LUZP2: variants seen among roughly 807,000 people sequenced by gnomAD.
The protein encoded by LUZP2 is leucine zipper protein 2.
In LUZP2, 52 loss-of-function variants were observed where a neutral mutation model predicts 51.6. The ratio of observed to expected loss-of-function variants is 1.01; its 90% CI spans 0.81 to 1.27. The LOEUF (loss-of-function observed/expected upper bound fraction) is 1.27, where lower values mean the gene tolerates loss of function less well. LUZP2 is among the 50% of genes most tolerant of loss of function. The pLI, the probability that LUZP2 is intolerant of heterozygous loss-of-function variation, is 0.00. For missense variants in LUZP2, 436 were observed against 395.4 expected (o/e 1.10, Z -0.87); for synonymous variants, 154 against 137.3 (o/e 1.12, Z -0.85).
At chr11:24,857,871 C>T (rs899268593) in intron 5 of LUZP2, among the ~76,000 whole-genome samples, 2 of 152,078 alleles carry the variant, frequency 1.3e-5, no homozygotes, top group South Asian at 2.1e-4. Context: ...TGCTTAGATG[C>T]AGTAATATTA....
intron 5 of LUZP2, among the ~76,000 whole-genome samples, chr11:24,847,689 A>G (rs1347831522): frequency 6.6e-6 from 1 of 152,156 alleles, no homozygotes; most frequent in African/African-American, 2.4e-5. Flanking sequence ...CAACCTTAGC[A>G]TTCGTTGATG....
intron 4 of LUZP2, chr11:24,763,013 T>TAA (rs11414450): frequency 4.6e-4 from 350 of 753,008 alleles, no homozygotes; most frequent in African/African-American, 1.9e-3. Context: ...TTTCTCAATT[T>TAA]AAAAAAAAAA....
At chr11:24,723,275 C>G (rs1858344996) in intron 1 of LUZP2, among the ~76,000 whole-genome samples, 1 of 152,172 alleles carries the variant, frequency 6.6e-6, no homozygotes, top group African/African-American at 2.4e-5. Context: ...CTCTACCTCT[C>G]CTACCCTGCA....
chr11:25,018,109 A>C (rs1857215716), intron 9 of LUZP2, among the ~76,000 whole-genome samples: 1 of 143,302 alleles, frequency 7.0e-6, no homozygotes, highest in Non-Finnish European at 1.5e-5. Flanking sequence ...TTTGATATTC[A>C]GCTTGGTGGT....
chr11:24,549,150 AT>A (rs890456556), intron 1 of LUZP2, among the ~76,000 whole-genome samples: 7 of 151,980 alleles, frequency 4.6e-5, no homozygotes, highest in Non-Finnish European at 1.0e-4. Flanking sequence ...CTGTACAGAA[AT>A]TTTTTATATC....
intron 7 of LUZP2, among the ~76,000 whole-genome samples, chr11:24,967,789 C>G (rs1384801206): frequency 6.6e-6 from 1 of 151,916 alleles, no homozygotes; most frequent in African/African-American, 2.4e-5. Context: ...GTTCCTAATC[C>G]TATTTTTAAT....
intron 5 of LUZP2, among the ~76,000 whole-genome samples, chr11:24,802,635 A>G (rs1049225671): frequency 4.6e-5 from 7 of 151,910 alleles, no homozygotes; most frequent in Admixed American, 1.3e-4. Context: ...CTCTGTGCCT[A>G]TTGAACAGTT....
At chr11:24,671,481 T>C (rs1376881417) in intron 1 of LUZP2, among the ~76,000 whole-genome samples, 2 of 152,044 alleles carry the variant, frequency 1.3e-5, no homozygotes, top group Non-Finnish European at 2.9e-5. Flanking sequence ...TATAACAAAA[T>C]GCTAGGTGTT....
chr11:24,553,050 C>A (rs1467984308), intron 1 of LUZP2, among the ~76,000 whole-genome samples: 1 of 151,284 alleles, frequency 6.6e-6, no homozygotes, highest in Admixed American at 6.6e-5. Flanking sequence ...ATACTGTAGA[C>A]CTTGAGGTCA....
intron 5 of LUZP2, among the ~76,000 whole-genome samples, chr11:24,765,141 A>T (rs1860133461): frequency 6.6e-6 from 1 of 152,230 alleles, no homozygotes; most frequent in Non-Finnish European, 1.5e-5. Context: ...ACTCCTTTAT[A>T]TCAAATTATT....
At chr11:25,043,230 A>G (rs1858131709) in intron 9 of LUZP2, among the ~76,000 whole-genome samples, 1 of 152,108 alleles carries the variant, frequency 6.6e-6, no homozygotes, top group Non-Finnish European at 1.5e-5. Context: ...AGGGTAATCT[A>G]CTCATCTGAA....
chr11:24,935,524 T>C (rs1854562919), intron 7 of LUZP2, among the ~76,000 whole-genome samples: 1 of 152,200 alleles, frequency 6.6e-6, no homozygotes, highest in Non-Finnish European at 1.5e-5. Context: ...GGATTAAAAA[T>C]TATGGATTTT....
chr11:24,729,361 TTTTA>T, intron 2 of LUZP2, 75 bp downstream of exon 2: 5 of 709,188 alleles, frequency 7.1e-6, no homozygotes, highest in Non-Finnish European at 1.1e-5. Context: ...TGACATGCAT[TTTTA>T]AATAGTTTTT....
chr11:24,965,673 T>G (rs987523602), intron 7 of LUZP2, among the ~76,000 whole-genome samples: 2 of 151,852 alleles, frequency 1.3e-5, no homozygotes, highest in African/African-American at 4.8e-5. Context: ...ATTTTTTAAT[T>G]AATACCTACT....
chr11:24,723,313 A>C (rs1370347893), intron 1 of LUZP2, among the ~76,000 whole-genome samples: 5 of 152,172 alleles, frequency 3.3e-5, no homozygotes, highest in Non-Finnish European at 7.3e-5. Flanking sequence ...TTTGGCTGTT[A>C]TTTGCTAAAG....
rs1199181351 is a variant in LUZP2, at chr11:24,888,862, C to A, written c.397-17129C>A. ...TGTAAGGGGCTCTTCCCACTTCACTCGGCACCGCTCCTTCCTGCCTCCTTG... is the reference window on the plus strand; with the variant it reads ...TGTAAGGGGCTCTTCCCACTTCACTAGGCACCGCTCCTTCCTGCCTCCTTG... On this transcript the variant is annotated intron_variant, in intron 5 of 11. Coordinates refer to ENST00000336930, the MANE Select transcript of LUZP2 (RefSeq NM_001009909.4). Among the ~76,000 whole-genome samples the A allele has an allele frequency of 1.6e-4, 25 of 152,064 alleles. 1 individual carries two copies. The highest frequency in any genetic ancestry group is 1.3e-3 in the Admixed American group (20 of 15,240).
intron 1 of LUZP2, among the ~76,000 whole-genome samples, chr11:24,647,282 C>T (rs1855490186): frequency 1.3e-5 from 2 of 151,706 alleles, no homozygotes; most frequent in Admixed American, 1.3e-4. Context: ...TCAATCATTG[C>T]TGTTTTTTTT....
intron 1 of LUZP2, among the ~76,000 whole-genome samples, chr11:24,522,109 A>G (rs963284889): frequency 6.6e-6 from 1 of 152,150 alleles, no homozygotes; most frequent in African/African-American, 2.4e-5. Context: ...GAACATATGG[A>G]GAGAAACTTA....
chr11:24,521,310 C>A (rs1850633219), intron 1 of LUZP2, among the ~76,000 whole-genome samples: 1 of 126,110 alleles, frequency 7.9e-6, no homozygotes, highest in South Asian at 2.5e-4. Context: ...GAGATCATGC[C>A]ATTGCACTTC....
Sources: gnomAD v4.1 joint callset for allele counts (sites outside exome capture counted in the v4.1 genomes callset) on GRCh38, gnomAD v4.1.1 for gene constraint, MANE v1.5 for transcripts, NCBI Gene and HGNC (gene_info 2026-07-23, HGNC 2026-07-21) for gene names.